HFM1: variants seen among roughly 807,000 people sequenced by gnomAD.
HFM1 encodes probable ATP-dependent DNA helicase HFM1.
In HFM1, 169 loss-of-function variants were observed where a neutral mutation model predicts 192.1. The ratio of observed to expected loss-of-function variants is 0.88; its 90% CI spans 0.78 to 1.00. HFM1 has a LOEUF of 1.00. Ranked by LOEUF, HFM1 falls within the 50% of genes least tolerant of loss-of-function variation. HFM1 has a pLI of 0.00. For synonymous variants in HFM1, 525 were observed against 537.8 expected, an observed-to-expected ratio of 0.98 and a Z score of 0.33; for missense variants, 1,661 against 1,668.0, an observed-to-expected ratio of 1.00 and a Z score of 0.07.
At position 91,323,116 on chromosome 1, in the gene HFM1, T is replaced by C. The variant is rs767123506; in HGVS notation, c.2511A>G (p.Lys837=). 5.7e-6 allele frequency: 9 copies of C among 1,575,076 alleles called. No homozygotes were observed. The African/African-American group carries it at 1.2e-4, about 21-fold the overall frequency. ...ACCTGATAGTTATCCGATTTGGATC[T>C]TTGTTCAAAGTATTCAGTGTTTTCT... ...NEKKTLNTLN[K]DPNRITIRFP... Residue 837 remains lysine, a synonymous_variant, in exon 22 of 39, where the codon AAA becomes AAG. Transcript: ENST00000370425.
intron 20 of HFM1, among the ~76,000 whole-genome samples, chr1:91,326,414 C>G (rs1464635049): frequency 6.6e-6 from 1 of 152,006 alleles, no homozygotes; most frequent in African/African-American, 2.4e-5. Context: ...TGGCAGCAGA[C>G]TTTTCAGTGG....
chr1:91,339,871 T>C (rs1277146402), intron 20 of HFM1, among the ~76,000 whole-genome samples: 5 of 151,654 alleles, frequency 3.3e-5, no homozygotes, highest in African/African-American at 9.7e-5. Context: ...CCAAGATCAA[T>C]GGGAAAGAAA....
In HFM1 at chr1:91,273,827, T is replaced by C; in HGVS notation, c.3669-12A>G. The C allele has an allele frequency of 7.4e-7, 1 of 1,349,012 alleles. No individual in the cohort carries two copies. The highest frequency in any genetic ancestry group is 1.0e-6 in the Non-Finnish European group (1 of 957,256). The allele number at this position is 1,349,012 out of a possible 1,614,324, so 83.6% of individuals were successfully genotyped here. A position where few individuals can be genotyped will look rare whatever the true frequency, so the allele number is the denominator to read the frequency against. On this transcript the variant is annotated splice_polypyrimidine_tract_variant and intron_variant, in intron 33 of 38. Transcript: ENST00000370425. ...TTAAATATTCTGACCTTTATAAAGA[T>C]AAAACCATGAAAATGTTAAAGAAAA...
chr1:91,406,560 T>TG (rs951634647), upstream of HFM1, among the ~76,000 whole-genome samples: 6 of 152,308 alleles, frequency 3.9e-5, no homozygotes, highest in South Asian at 2.1e-4. Flanking sequence ...AATCCCATTT[T>TG]GGGGGGAGGG....
chr1:91,329,365 A>G, intron 20 of HFM1: 1 of 1,597,108 alleles, frequency 6.3e-7, no homozygotes. Context: ...AGGCTGAGTA[A>G]GAGTCATTAA....
chr1:91,382,108 G>A (rs770133231), intron 6 of HFM1, among the ~76,000 whole-genome samples: 5 of 151,944 alleles, frequency 3.3e-5, no homozygotes, highest in Non-Finnish European at 4.4e-5. Context: ...CATCAGCTAC[G>A]ATCCTGCCAT....
At chr1:91,277,718 T>C (rs1667014624) in intron 30 of HFM1, among the ~76,000 whole-genome samples, 2 of 126,624 alleles carry the variant, frequency 1.6e-5, no homozygotes, top group Admixed American at 9.7e-5. Context: ...ATACTTTATA[T>C]AATATATACT....
chr1:91,333,148 C>T (rs1458572002), intron 20 of HFM1, among the ~76,000 whole-genome samples: 1 of 152,192 alleles, frequency 6.6e-6, no homozygotes, highest in Non-Finnish European at 1.5e-5. Flanking sequence ...GGTATCTACA[C>T]TCTCAGTGTT....
intron 13 of HFM1, among the ~76,000 whole-genome samples, chr1:91,372,442 A>G (rs1660353955): frequency 6.6e-6 from 1 of 152,232 alleles, no homozygotes; most frequent in Non-Finnish European, 1.5e-5. Context: ...TTGTAGGGAC[A>G]TGGATGAACC....
chr1:91,303,723 T>C (rs1014614849), intron 30 of HFM1, among the ~76,000 whole-genome samples: 2 of 152,252 alleles, frequency 1.3e-5, no homozygotes, highest in African/African-American at 4.8e-5. Context: ...GGAAGTGGTA[T>C]CTTACTGTGG....
chr1:91,381,432 T>C (rs1297843565), intron 6 of HFM1, among the ~76,000 whole-genome samples: 1 of 152,206 alleles, frequency 6.6e-6, no homozygotes, highest in Non-Finnish European at 1.5e-5. Context: ...GTGTTTCTGG[T>C]TACCTAATAC....
At position 91,262,374 on chromosome 1, in the gene HFM1, T is replaced by G. The variant is rs1022906634; in HGVS notation, c.4105A>C (p.Lys1369Gln). Residue 1369 changes from lysine (K) to glutamine (Q), a missense_variant, in exon 38 of 39, where the codon AAA (lysine) becomes CAA (glutamine). Coordinates refer to ENST00000370425, the MANE Select transcript of HFM1 (RefSeq NM_001017975.6). ...NAVIVHFQER[K>Q]PQNLSPEIEK... ...ATCTCTGGTGACAGATTTTGTGGTT[T>G]TCTTTCTTGAAAATGGACCTACATT... 1 of 1,576,338 alleles carries G rather than the reference T, an allele frequency of 6.3e-7. No homozygotes were observed. Among genetic ancestry groups the G allele is most frequent in the African/African-American group, 1.4e-5 (1 of 73,464 alleles).
chr1:91,334,954 A>C (rs1445916700), intron 20 of HFM1, among the ~76,000 whole-genome samples: 3 of 151,902 alleles, frequency 2.0e-5, no homozygotes, highest in Non-Finnish European at 2.9e-5. Flanking sequence ...AAGTTACTGG[A>C]TTCGATAAGT....
chr1:91,266,504 T>C (rs1557749382), intron 35 of HFM1, among the ~76,000 whole-genome samples: 1 of 152,136 alleles, frequency 6.6e-6, no homozygotes, highest in Non-Finnish European at 1.5e-5. Flanking sequence ...GGGCTGATCA[T>C]GGTGTGAGAG....
At chr1:91,292,105 G>C (rs1668833692) in intron 30 of HFM1, among the ~76,000 whole-genome samples, 2 of 151,792 alleles carry the variant, frequency 1.3e-5, no homozygotes, top group South Asian at 2.1e-4. Flanking sequence ...ATACTGAATG[G>C]ACAAAAACTG....
At position 91,352,555 on chromosome 1, in the gene HFM1, T is replaced by C. The variant is rs200108256; in HGVS notation, c.1928A>G (p.Tyr643Cys). The C allele has an allele frequency of 8.1e-6, 13 of 1,609,820 alleles. No individual in the cohort carries two copies. The highest frequency in any genetic ancestry group is 1.1e-5 in the Non-Finnish European group (13 of 1,177,532). ...MHYAGGLFEE[Y>C]SETDILQMIG... ...CATCTGTAGAATATCTGTTTCACTGTACTCTTCAAACAGTCCTCCAGCATA... is the reference window on the plus strand; with the variant it reads ...CATCTGTAGAATATCTGTTTCACTGCACTCTTCAAACAGTCCTCCAGCATA... The change falls in exon 16 of 39, where the codon TAC (tyrosine) becomes TGC (cysteine). Residue 643 changes from tyrosine (Y) to cysteine (C), a missense_variant. Tyr to Cys is a radical substitution (Grantham distance 194, BLOSUM62 -2). Coordinates refer to ENST00000370425, the MANE Select transcript of HFM1 (RefSeq NM_001017975.6).
intron 2 of HFM1, among the ~76,000 whole-genome samples, chr1:91,400,662 T>G (rs144612610): frequency 2.1e-3 from 324 of 152,250 alleles, no homozygotes; most frequent in African/African-American, 7.6e-3. Flanking sequence ...TTTTGTGCTT[T>G]TAGTAGAGAC....
intron 30 of HFM1, among the ~76,000 whole-genome samples, chr1:91,299,576 C>G (rs1454760821): frequency 6.6e-6 from 1 of 152,168 alleles, no homozygotes; most frequent in East Asian, 1.9e-4. Context: ...GAAATTATAA[C>G]AAACTGTCTC....
intron 13 of HFM1, among the ~76,000 whole-genome samples, chr1:91,359,264 C>T (rs191561354): frequency 1.5e-3 from 223 of 152,112 alleles, no homozygotes; most frequent in Admixed American, 2.9e-3. Context: ...ATGGCTGAAT[C>T]GACAGAAGTA....
Sources: gnomAD v4.1 joint callset for allele counts (sites outside exome capture counted in the v4.1 genomes callset) on GRCh38, gnomAD v4.1.1 for gene constraint, MANE v1.5 for transcripts, NCBI Gene and HGNC (gene_info 2026-07-23, HGNC 2026-07-21) for gene names.